CYP51A1: variants seen among roughly 807,000 people sequenced by gnomAD.
The protein encoded by CYP51A1 is lanosterol 14-alpha demethylase.
CYP51A1 carries 45 observed loss-of-function variants against 53.5 expected under a neutral mutation model. The observed-to-expected ratio is 0.84, with a 90% confidence interval of 0.66 to 1.08. CYP51A1 has a LOEUF of 1.08. Among genes scored for constraint, CYP51A1 ranks in the 50% least tolerant of loss-of-function variants. The pLI is 0.00. For synonymous variants in CYP51A1, 181 were observed against 217.7 expected, an observed-to-expected ratio of 0.83 and a Z score of 1.48; for missense variants, 462 against 621.7, an observed-to-expected ratio of 0.74 and a Z score of 2.73.
chr7:92,126,229 G>T, intron 5 of CYP51A1, 24 bp downstream of exon 5: 1 of 1,528,520 alleles, frequency 6.5e-7, no homozygotes, highest in Non-Finnish European at 8.8e-7. Context: ...AAATAACCTA[G>T]TGTAATATAT....
rs1819405069 is a variant in CYP51A1 at position 92,112,475 on chromosome 7, G to C, written c.*1190C>G. On this transcript the variant is annotated 3_prime_UTR_variant, in exon 10 of 10. Transcript: ENST00000003100. ...GATCTCACATTTTAAAAAGAAAAAA[G>C]TTTGTTAACTGTTTTAATCAATATG... is the stretch of plus-strand genomic sequence containing the variant. 6.6e-6 allele frequency: 1 copy of C among 152,122 alleles called. No homozygotes were observed. Among genetic ancestry groups the C allele is most frequent in the South Asian group, 2.1e-4 (1 of 4,832 alleles). 9.4% of individuals were successfully genotyped at this position (152,122 alleles called of 1,614,324 possible).
chr7:92,121,355 G>GCC (rs953122423), intron 7 of CYP51A1, among the ~76,000 whole-genome samples: 7 of 151,966 alleles, frequency 4.6e-5, no homozygotes, highest in African/African-American at 1.7e-4. Context: ...GTGAGGGGGT[G>GCC]AAGTCAGGAC....
Position 92,113,620 on chromosome 7 carries a change from T to G in CYP51A1, c.*45A>C. On this transcript the variant is annotated 3_prime_UTR_variant, in exon 10 of 10. Coordinates refer to ENST00000003100, the MANE Select transcript of CYP51A1 (RefSeq NM_000786.4). ...ACTTCATTCTCTTCGAATGCCTTTG[T>G]GGCTTACAGTGATAATCACATATAT... The G allele has an allele frequency of 6.4e-7, 1 of 1,558,318 alleles. No individual in the cohort carries two copies. Among genetic ancestry groups the G allele is most frequent in the South Asian group, 1.1e-5 (1 of 87,438 alleles).
rs147205401 is a variant in CYP51A1, at chr7:92,131,739, T to G, written c.291+35A>C. 0.014 allele frequency: 17,041 copies of G among 1,178,524 alleles called. 185 individuals carry two copies. Among genetic ancestry groups the G allele is most frequent in the South Asian group, 0.024 (1,759 of 73,144 alleles). 73.0% of individuals were successfully genotyped at this position (1,178,524 alleles called of 1,614,324 possible). ...TTTAAAAAGCACTTCTCTAGTTGTT[T>G]TTTTTTTTTTCCTCTAATTATTTGG... On this transcript the variant is annotated intron_variant, in intron 2 of 9. Coordinates refer to ENST00000003100, the MANE Select transcript of CYP51A1 (RefSeq NM_000786.4).
chr7:92,134,251 G>A lies in CYP51A1; in HGVS notation c.114C>T (p.Ile38=). The change falls in exon 1 of 10, where the codon ATC becomes ATT. Residue 38 remains isoleucine, a synonymous_variant. Coordinates refer to ENST00000003100, the MANE Select transcript of CYP51A1 (RefSeq NM_000786.4). ...CCAGGCTGAGGGTGAAGGCGCAGGC[G>A]ATCAGCAGCATGGACAAGAGGTTGC... The part of the protein sequence containing the change: ...TGGNLLSMLL[I]ACAFTLSLVY... The A allele has an allele frequency of 1.2e-6, 2 of 1,613,348 alleles. No individual in the cohort carries two copies. Among genetic ancestry groups the A allele is most frequent in the South Asian group, 1.1e-5 (1 of 91,032 alleles).
intron 1 of CYP51A1, 179 bp from the exon 2 acceptor site, chr7:92,132,051 G>T: frequency 3.9e-6 from 2 of 516,400 alleles, no homozygotes; most frequent in East Asian, 3.5e-5. Flanking sequence ...TACCTCAAGA[G>T]AGTAGCTATT....
At position 92,126,373 on chromosome 7, in the gene CYP51A1, T is replaced by A. The variant is rs763430437; in HGVS notation, c.650A>T (p.His217Leu). 6 of 1,613,642 alleles carry A rather than the reference T, an allele frequency of 3.7e-6. No individual in the cohort carries two copies. The Admixed American group carries it at 6.7e-5, about 18-fold the overall frequency. ...LIILTASHCL[H>L]GKEIRSQLNE... ...GAGTTGACTTCTGATTTCCTTTCCA[T>A]GCAAACAATGGCTAGCTGTTAAAAT... Residue 217 changes from histidine to leucine, a missense_variant, in exon 5 of 10, where the codon CAT (histidine) becomes CTT (leucine). Physicochemically the swap from His to Leu is moderately conservative, Grantham distance 99. Coordinates refer to ENST00000003100, the MANE Select transcript of CYP51A1 (RefSeq NM_000786.4).
rs1819719103 is a variant in CYP51A1 at position 92,122,929 on chromosome 7, T to C, written c.1086+191A>G. Among the ~76,000 whole-genome samples, 2 of 152,136 alleles carry C rather than the reference T, an allele frequency of 1.3e-5. 1 individual carries two copies. Among genetic ancestry groups the C allele is most frequent in the Admixed American group, 1.3e-4 (2 of 15,282 alleles). On this transcript the variant is annotated intron_variant, in intron 7 of 9. Transcript: ENST00000003100. ...CTAAGCCATCAACCCAAAACATATCTGATAAAGCTTAATGGCAAGAAGCAA... is the reference window on the plus strand; with the variant it reads ...CTAAGCCATCAACCCAAAACATATCCGATAAAGCTTAATGGCAAGAAGCAA...
At chr7:92,115,522 T>A (rs1215141340) in intron 9 of CYP51A1, among the ~76,000 whole-genome samples, 5 of 152,214 alleles carry the variant, frequency 3.3e-5, no homozygotes, top group African/African-American at 1.2e-4. Flanking sequence ...GGAAGGATTC[T>A]CCTGTAGAAC....
Position 92,118,520 on chromosome 7 carries a change from C to T in CYP51A1, c.1182G>A (p.Gln394=). The T allele has an allele frequency of 6.5e-7, 1 of 1,526,748 alleles. No homozygotes were observed. The highest frequency in any genetic ancestry group is 1.4e-5 in the African/African-American group (1 of 73,224). 94.6% of individuals were successfully genotyped at this position (1,526,748 alleles called of 1,614,324 possible). ...GGGAAGATGTAGCCAAGATACTCAC[C>T]TGAGGAGTTCTGGCCATTCTCATCA... is the stretch of plus-strand genomic sequence containing the variant. ...MIMMRMARTP[Q]TVAGYTIPPG... Residue 394 remains glutamine, a splice_region_variant and synonymous_variant, in exon 8 of 10, where the codon CAG becomes CAA. Coordinates refer to ENST00000003100, the MANE Select transcript of CYP51A1 (RefSeq NM_000786.4).
intron 2 of CYP51A1, among the ~76,000 whole-genome samples, chr7:92,129,721 A>G (rs933063287): frequency 6.6e-6 from 1 of 152,244 alleles, no homozygotes; most frequent in Non-Finnish European, 1.5e-5. Context: ...GAAAAAATAC[A>G]AATTAATCAA....
At chr7:92,129,508 G>A (rs1426557237) in intron 2 of CYP51A1, among the ~76,000 whole-genome samples, 2 of 152,082 alleles carry the variant, frequency 1.3e-5, no homozygotes, top group African/African-American at 4.8e-5. Context: ...TATAGTACCT[G>A]CTATGTGAAG....
intron 4 of CYP51A1, among the ~76,000 whole-genome samples, chr7:92,127,052 T>C (rs1044687086): frequency 1.3e-5 from 2 of 152,252 alleles, no homozygotes; most frequent in African/African-American, 4.8e-5. Flanking sequence ...TCAGTAAATA[T>C]TCTGGATTTC....
chr7:92,124,658 T>TG (rs1039721790), intron 5 of CYP51A1, among the ~76,000 whole-genome samples: 14 of 152,214 alleles, frequency 9.2e-5, no homozygotes, highest in Non-Finnish European at 7.3e-5. Context: ...GAGAAGATGT[T>TG]GGGGCTTAAC....
At chr7:92,127,240 G>A (rs1819818483) in intron 4 of CYP51A1, among the ~76,000 whole-genome samples, 1 of 152,176 alleles carries the variant, frequency 6.6e-6, no homozygotes, top group Admixed American at 6.5e-5. Context: ...CTGCTGCCCT[G>A]GGTCCTGCTG....
chr7:92,134,692 T>C, upstream of CYP51A1: 1 of 294,116 alleles, frequency 3.4e-6, no homozygotes. Context: ...TCCCTGAGAA[T>C]CGCGGGCGAC....
At chr7:92,113,892 C>A in intron 9 of CYP51A1, 49 bp from the exon 10 acceptor site, 1 of 1,301,738 alleles carries the variant, frequency 7.7e-7, no homozygotes, top group Non-Finnish European at 1.1e-6. Flanking sequence ...CTTTCTCATC[C>A]TTTTTAGCCT....
At chr7:92,118,878 C>A (rs1819630617) in intron 7 of CYP51A1, among the ~76,000 whole-genome samples, 2 of 152,186 alleles carry the variant, frequency 1.3e-5, no homozygotes, top group African/African-American at 4.8e-5. Flanking sequence ...ACAGTAGCAA[C>A]AATCTTAATG....
intron 4 of CYP51A1, 116 bp from the exon 5 acceptor site, chr7:92,126,543 C>G: frequency 2.3e-6 from 2 of 859,236 alleles, no homozygotes; most frequent in Non-Finnish European, 3.5e-6. Context: ...CAAAAAAAGT[C>G]TGTAGACAGA....
Sources: allele counts gnomAD v4.1 joint callset (sites outside exome capture counted in the v4.1 genomes callset), GRCh38; gene constraint gnomAD v4.1.1; transcripts MANE v1.5; gene names NCBI Gene and HGNC (gene_info 2026-07-23, HGNC 2026-07-21).